SLC13A3: variants seen among roughly 807,000 people sequenced by gnomAD.
SLC13A3 encodes the protein Na(+)/dicarboxylate cotransporter 3.
In SLC13A3, 40 loss-of-function variants were observed where a neutral mutation model predicts 59.0. The observed-to-expected ratio is 0.68, with a 90% confidence interval of 0.53 to 0.88. SLC13A3 has a LOEUF of 0.88. Among genes scored for constraint, SLC13A3 ranks in the 40% least tolerant of loss-of-function variants. SLC13A3 has a pLI of 0.00. For synonymous variants in SLC13A3, 317 were observed against 330.3 expected (o/e 0.96, Z 0.44); for missense variants, 699 against 783.2 (o/e 0.89, Z 1.28).
chr20:46,600,308 A>AGGG (rs780393014), intron 3 of SLC13A3, among the ~76,000 whole-genome samples: 4,013 of 95,658 alleles, frequency 0.042, 131 homozygotes, highest in African/African-American at 0.12. Flanking sequence ...AGAAAGAAAG[A>AGGG]AAGAGGGAAG....
At chr20:46,610,333 G>T in intron 3 of SLC13A3, 113 bp downstream of exon 3, 1 of 933,356 alleles carries the variant, frequency 1.1e-6, no homozygotes, top group Non-Finnish European at 1.6e-6. Context: ...CTGACGCATA[G>T]TAGGTGCTCA....
At chr20:46,621,196 C>T (rs1225876166) in intron 1 of SLC13A3, among the ~76,000 whole-genome samples, 2 of 152,178 alleles carry the variant, frequency 1.3e-5, no homozygotes, top group Non-Finnish European at 2.9e-5. Flanking sequence ...GGGAAAGCTT[C>T]CCCAGAGAGT....
chr20:46,620,077 T>A (rs4810535), intron 1 of SLC13A3, among the ~76,000 whole-genome samples: 2 of 152,078 alleles, frequency 1.3e-5, no homozygotes, highest in Non-Finnish European at 2.9e-5. Flanking sequence ...ACTTAATGTG[T>A]GTGCTTTCAT....
At position 46,563,529 on chromosome 20, in the gene SLC13A3, G is replaced by A; in HGVS notation, c.1517C>T (p.Pro506Leu). 6.2e-7 allele frequency: 1 copy of A among 1,613,998 alleles called. No homozygotes were observed. Among genetic ancestry groups the A allele is most frequent in the Non-Finnish European group, 8.5e-7 (1 of 1,180,008 alleles). Reference protein sequence around the residue: ...AELAIRLRVHPLYLMIPGTVG... With the variant: ...AELAIRLRVHLLYLMIPGTVG... ...TGTGCCCGGAATCATCAGATACAGG[G>A]GGTGCACTCTCAGGCGGATGGCCTG... Residue 506 changes from proline (P) to leucine (L), a missense_variant, in exon 12 of 13, where the codon CCC becomes CTC. By Grantham distance (98) the Pro-to-Leu change is moderately conservative. Transcript: ENST00000279027.
intron 1 of SLC13A3, among the ~76,000 whole-genome samples, chr20:46,634,005 A>G (rs1413118533): frequency 6.6e-6 from 1 of 152,226 alleles, no homozygotes; most frequent in African/African-American, 2.4e-5. Flanking sequence ...GGTCTAGCCC[A>G]GGGCCCTAGT....
chr20:46,585,240 G>T (rs1473156881), intron 8 of SLC13A3: 1 of 966,790 alleles, frequency 1.0e-6, no homozygotes, highest in East Asian at 1.1e-4. Context: ...ATATTTGTAT[G>T]TGTGTATGTA....
chr20:46,592,309 TAAC>T, intron 6 of SLC13A3, 92 bp downstream of exon 6: 2 of 1,447,276 alleles, frequency 1.4e-6, no homozygotes, highest in East Asian at 2.3e-5. Flanking sequence ...CAACATGAAA[TAAC>T]AATCATCCTC....
chr20:46,582,540 C>T, intron 9 of SLC13A3: 1 of 695,800 alleles, frequency 1.4e-6, no homozygotes, highest in Non-Finnish European at 1.8e-6. Flanking sequence ...GAGTTCGAGA[C>T]TGCGCTGAGC....
intron 10 of SLC13A3, among the ~76,000 whole-genome samples, chr20:46,570,997 G>A (rs1600499837): frequency 6.6e-6 from 1 of 152,208 alleles, no homozygotes; most frequent in East Asian, 1.9e-4. Flanking sequence ...CATGGCTGGG[G>A]AGGCCTTAGG....
chr20:46,596,054 C>A, intron 5 of SLC13A3, 103 bp downstream of exon 5: 1 of 1,091,148 alleles, frequency 9.2e-7, no homozygotes, highest in African/African-American at 1.6e-5. Context: ...CAGAGCCTGG[C>A]CCAGAGAAGG....
intron 3 of SLC13A3, chr20:46,600,695 T>A: frequency 2.7e-6 from 1 of 377,088 alleles, no homozygotes; most frequent in Non-Finnish European, 5.8e-6. Context: ...CAAAAAGTAT[T>A]TATTGAGCAC....
Position 46,596,021 on chromosome 20 carries a change from G to A in SLC13A3, c.794+136C>T. 3 of 740,666 alleles carry A rather than the reference G, an allele frequency of 4.1e-6. No homozygotes were observed. The South Asian group carries it at 6.5e-5, about 16-fold the overall frequency. 45.9% of individuals were successfully genotyped at this position (740,666 alleles called of 1,614,324 possible). The stretch of plus-strand genomic sequence containing the variant: ...TTCCCCAAGGGCAGGGATCTCACTG[G>A]ATTTTGTGCATTGCTGTGTTCCCAG... On this transcript the variant is annotated intron_variant, in intron 5 of 12. Transcript: ENST00000279027.
intron 5 of SLC13A3, among the ~76,000 whole-genome samples, chr20:46,594,876 CAT>C (rs1469515385): frequency 2.0e-5 from 3 of 152,054 alleles, no homozygotes; most frequent in African/African-American, 7.2e-5. Context: ...AAAATCAGCA[CAT>C]GTGGCCAAAC....
At chr20:46,624,863 C>T (rs559960208) in intron 1 of SLC13A3, among the ~76,000 whole-genome samples, 1 of 152,180 alleles carries the variant, frequency 6.6e-6, no homozygotes, top group South Asian at 2.1e-4. Context: ...AGGTCTGCTT[C>T]TAAGTGATAT....
chr20:46,659,954 A>G (rs1372723366), intron 1 of SLC13A3, among the ~76,000 whole-genome samples: 3 of 152,164 alleles, frequency 2.0e-5, no homozygotes, highest in African/African-American at 7.2e-5. Context: ...GTAGCATGAA[A>G]TCACCCATAG....
chr20:46,647,627 C>A (rs1272683240), intron 1 of SLC13A3, among the ~76,000 whole-genome samples: 1 of 152,200 alleles, frequency 6.6e-6, no homozygotes, highest in Non-Finnish European at 1.5e-5. Flanking sequence ...TCCTTTTCAT[C>A]CCTGCTGACA....
In SLC13A3 at chr20:46,604,509, T is replaced by A. The variant is rs148246178; in HGVS notation, c.542-4472A>T. On this transcript the variant is annotated intron_variant, in intron 3 of 12. Transcript: ENST00000279027. Reference sequence around the variant, plus strand: ...CATGGGATTTTCCTTCACATGGAAGTCAGGCCACATACACAGCCATGTGGA... The same window carrying A: ...CATGGGATTTTCCTTCACATGGAAGACAGGCCACATACACAGCCATGTGGA... Among the ~76,000 whole-genome samples, 7 of 152,296 alleles carry A rather than the reference T, an allele frequency of 4.6e-5. No individual in the cohort carries two copies. In the East Asian group the frequency reaches 1.4e-3, roughly 30 times the overall value.
In SLC13A3 at chr20:46,596,221, TA is replaced by T; in HGVS notation, c.729del (p.Ser243ArgfsTer31). Reference sequence around the variant, plus strand: ...CCCGTGAGTGTGGCTGTGCCCCCAATACTGGCTGAGTAGGGGATGGAGATGA... The same window carrying T: ...CCCGTGAGTGTGGCTGTGCCCCCAATCTGGCTGAGTAGGGGATGGAGATGA... The part of the protein sequence containing the change: ...GFLISIPYSA[S>X]IGGTATLTGT... On this transcript the variant is annotated frameshift_variant, in exon 5 of 13. Coordinates refer to ENST00000279027, the MANE Select transcript of SLC13A3 (RefSeq NM_022829.6). LOFTEE classifies it high-confidence loss of function. 1 of 1,614,006 alleles carries T rather than the reference TA, an allele frequency of 6.2e-7. No individual in the cohort carries two copies. The highest frequency in any genetic ancestry group is 8.5e-7 in the Non-Finnish European group (1 of 1,180,030).
chr20:46,669,212 CAT>C (rs1448696193), intron 1 of SLC13A3, among the ~76,000 whole-genome samples: 2 of 152,198 alleles, frequency 1.3e-5, no homozygotes, highest in African/African-American at 4.8e-5. Flanking sequence ...GAATATAACA[CAT>C]GACCTGAAAT....
Sources: gnomAD v4.1 joint callset for allele counts (sites outside exome capture counted in the v4.1 genomes callset) on GRCh38, gnomAD v4.1.1 for gene constraint, MANE v1.5 for transcripts, NCBI Gene and HGNC (gene_info 2026-07-23, HGNC 2026-07-21) for gene names.